PGBD5: variants seen among roughly 807,000 people sequenced by gnomAD.
PGBD5 encodes the protein piggyBac transposable element derived 5.
Under a neutral mutation model 47.9 loss-of-function variants are expected in PGBD5, and 14 were observed. The observed-to-expected ratio is 0.29, with a 90% CI of 0.19 to 0.46. The LOEUF (loss-of-function observed/expected upper bound fraction) is 0.46, where lower values mean the gene tolerates loss of function less well. Among genes scored for constraint, PGBD5 ranks in the 20% least tolerant of loss-of-function variants. The pLI is 1.00. For missense variants in PGBD5, 635 were observed against 716.0 expected (o/e 0.89, Z 1.29); for synonymous variants, 316 against 306.3 (o/e 1.03, Z -0.33).
chr1:230,333,567 T>G (rs1372966258), intron 4 of PGBD5, among the ~76,000 whole-genome samples: 1 of 152,152 alleles, frequency 6.6e-6, no homozygotes, highest in Non-Finnish European at 1.5e-5. Flanking sequence ...TACATCATCC[T>G]AATGGTCTCA....
At chr1:230,350,657 C>A (rs1239406663) in intron 3 of PGBD5, among the ~76,000 whole-genome samples, 1 of 152,180 alleles carries the variant, frequency 6.6e-6, no homozygotes, top group Non-Finnish European at 1.5e-5. Flanking sequence ...ACACTTCCAG[C>A]CAACATTGCT....
intron 1 of PGBD5, among the ~76,000 whole-genome samples, chr1:230,389,729 GA>G (rs1438950046): frequency 1.3e-5 from 2 of 152,300 alleles, no homozygotes; most frequent in African/African-American, 4.8e-5. Flanking sequence ...AAAGTAGGTT[GA>G]AAAATCCAAT....
rs773372840 is a variant in PGBD5, at chr1:230,351,077, G to A, written c.775C>T (p.Leu259=). The part of the protein sequence containing the change: ...PSQTQVLHEP[L]IDEDPVFIAT... Reference sequence around the variant, plus strand: ...ATGAATACAGGATCCTCATCGATCAGGGGTTCATGTAGCACCTGCCAGGAG... The same window carrying A: ...ATGAATACAGGATCCTCATCGATCAAGGGTTCATGTAGCACCTGCCAGGAG... The change falls in exon 3 of 7, where the codon CTG becomes TTG. Residue 259 remains leucine (L), a synonymous_variant. Transcript: ENST00000391860. The A allele has an allele frequency of 3.1e-6, 5 of 1,613,350 alleles. No individual in the cohort carries two copies. The highest frequency in any genetic ancestry group is 4.2e-6 in the Non-Finnish European group (5 of 1,179,720).
At chr1:230,395,593 T>C (rs916206388) in intron 1 of PGBD5, among the ~76,000 whole-genome samples, 1 of 4,598 alleles carries the variant, frequency 2.2e-4, no homozygotes, top group Non-Finnish European at 3.7e-4. Context: ...CCCAACCCCC[T>C]CCCCTCCTCT....
At chr1:230,340,813 A>G (rs920992091) in intron 3 of PGBD5, among the ~76,000 whole-genome samples, 2 of 152,034 alleles carry the variant, frequency 1.3e-5, no homozygotes, top group Non-Finnish European at 2.9e-5. Flanking sequence ...AGATTTTACA[A>G]TCCCTGGGTA....
chr1:230,368,538 G>A (rs565750693), intron 1 of PGBD5, among the ~76,000 whole-genome samples: 2 of 152,376 alleles, frequency 1.3e-5, no homozygotes, highest in East Asian at 1.9e-4. Context: ...CGCCTCTTGC[G>A]GAGTGAGTGA....
chr1:230,398,550 G>A (rs1657056116), intron 1 of PGBD5, among the ~76,000 whole-genome samples: 2 of 152,170 alleles, frequency 1.3e-5, no homozygotes, highest in Non-Finnish European at 2.9e-5. Flanking sequence ...AATTTGGGGT[G>A]GACACAATTC....
chr1:230,420,559 T>C (rs182682772), intron 1 of PGBD5, among the ~76,000 whole-genome samples: 53 of 152,316 alleles, frequency 3.5e-4, no homozygotes, highest in Admixed American at 3.4e-3. Flanking sequence ...GCTGTTCTCG[T>C]GACAGTGAGT....
At chr1:230,335,718 C>T (rs1166631198) in intron 4 of PGBD5, among the ~76,000 whole-genome samples, 2 of 148,378 alleles carry the variant, frequency 1.3e-5, no homozygotes, top group African/African-American at 5.0e-5. Context: ...CACAGGTACA[C>T]ATACAGACAC....
At chr1:230,417,173 G>A (rs1312333363) in intron 1 of PGBD5, among the ~76,000 whole-genome samples, 1 of 152,116 alleles carries the variant, frequency 6.6e-6, no homozygotes, top group African/African-American at 2.4e-5. Context: ...TCCATAGTCA[G>A]ATATTTCAGG....
At chr1:230,412,661 T>A (rs987610010) in intron 1 of PGBD5, among the ~76,000 whole-genome samples, 5 of 152,124 alleles carry the variant, frequency 3.3e-5, no homozygotes, top group African/African-American at 9.7e-5. Context: ...GTGCTGGGAT[T>A]ACAGGCATGA....
At chr1:230,364,134 A>G (rs1408199738) in intron 1 of PGBD5, among the ~76,000 whole-genome samples, 1 of 152,226 alleles carries the variant, frequency 6.6e-6, no homozygotes, top group Non-Finnish European at 1.5e-5. Context: ...CAACTAAGTG[A>G]CCAAAGTGAA....
At chr1:230,362,403 T>G in intron 1 of PGBD5, 1 of 1,352,958 alleles carries the variant, frequency 7.4e-7, no homozygotes, top group Non-Finnish European at 9.8e-7. Context: ...TTGTGGAGGC[T>G]TGCCGGGGAA....
At chr1:230,404,623 A>ATAT (rs1553290456) in intron 1 of PGBD5, among the ~76,000 whole-genome samples, 82 of 130,910 alleles carry the variant, frequency 6.3e-4, no homozygotes, top group African/African-American at 2.1e-3. Flanking sequence ...AAAAAAAAAA[A>ATAT]AAAAAAATAT....
chr1:230,366,548 G>C (rs1667836652), intron 1 of PGBD5, among the ~76,000 whole-genome samples: 1 of 152,168 alleles, frequency 6.6e-6, no homozygotes. Flanking sequence ...TTATTATTCT[G>C]AACTAGTTGC....
intron 2 of PGBD5, among the ~76,000 whole-genome samples, chr1:230,355,408 C>T (rs1667620879): frequency 1.3e-5 from 2 of 152,252 alleles, no homozygotes; most frequent in South Asian, 2.1e-4. Context: ...GAGCACACAG[C>T]CTTCTGCGGC....
At chr1:230,403,865 C>G (rs1457929509) in intron 1 of PGBD5, among the ~76,000 whole-genome samples, 1 of 152,082 alleles carries the variant, frequency 6.6e-6, no homozygotes, top group Non-Finnish European at 1.5e-5. Context: ...CAGACACACC[C>G]CCAGAAAGAG....
intron 3 of PGBD5, among the ~76,000 whole-genome samples, chr1:230,341,518 A>C (rs1256091001): frequency 6.6e-6 from 1 of 152,196 alleles, no homozygotes; most frequent in Non-Finnish European, 1.5e-5. Context: ...TCCTGCCAGT[A>C]ATCTGAGAAA....
intron 1 of PGBD5, among the ~76,000 whole-genome samples, chr1:230,390,397 C>CTTCCATCAGAGCTGGTTTCAGCTT: frequency 6.6e-6 from 1 of 152,156 alleles, no homozygotes; most frequent in African/African-American, 2.4e-5. Context: ...TCCTCCCAAC[C>CTTCCATCAGAGCTGGTTTCAGCTT]CCTCTCACCT....
Sources: gnomAD v4.1 joint callset for allele counts (sites outside exome capture counted in the v4.1 genomes callset) on GRCh38, gnomAD v4.1.1 for gene constraint, MANE v1.5 for transcripts, NCBI Gene and HGNC (gene_info 2026-07-23, HGNC 2026-07-21) for gene names.